FIP1L1: variants seen among roughly 807,000 people sequenced by gnomAD.
FIP1L1 encodes factor interacting with PAPOLA and CPSF1, also known as pre-mRNA 3'-end-processing factor FIP1.
Under a neutral mutation model 84.6 loss-of-function variants are expected in FIP1L1, and 21 were observed. The ratio of observed to expected loss-of-function variants is 0.25; its 90% confidence interval spans 0.18 to 0.36. The LOEUF (loss-of-function observed/expected upper bound fraction) is 0.36. Ranked by LOEUF, FIP1L1 falls within the 10% of genes least tolerant of loss-of-function variation. The pLI, the probability that FIP1L1 is intolerant of heterozygous loss-of-function variation, is 1.00. For synonymous variants in FIP1L1, 263 were observed against 242.3 expected (o/e 1.09, Z -0.80); for missense variants, 526 against 751.1 (o/e 0.70, Z 3.50).
chr4:53,396,483 G>C (rs764645990), intron 9 of FIP1L1, among the ~76,000 whole-genome samples: 1 of 151,898 alleles, frequency 6.6e-6, no homozygotes, highest in Non-Finnish European at 1.5e-5. Flanking sequence ...TTGGCTCACT[G>C]AAACCTCCAC....
At chr4:53,403,818 T>A (rs1578373013) in intron 10 of FIP1L1, among the ~76,000 whole-genome samples, 1 of 152,116 alleles carries the variant, frequency 6.6e-6, no homozygotes, top group Admixed American at 6.6e-5. Flanking sequence ...TCTCATCGAT[T>A]TGCTGAGCAT....
intron 15 of FIP1L1, among the ~76,000 whole-genome samples, chr4:53,449,143 T>C (rs1693811746): frequency 6.6e-6 from 1 of 152,014 alleles, no homozygotes; most frequent in Admixed American, 6.6e-5. Flanking sequence ...CATTATAATA[T>C]TATATAACAG....
chr4:53,409,068 A>G (rs535310336), intron 10 of FIP1L1, among the ~76,000 whole-genome samples: 2 of 151,886 alleles, frequency 1.3e-5, no homozygotes, highest in Admixed American at 6.5e-5. Context: ...GAGGAGAGGC[A>G]CTCTGCTTTT....
chr4:53,378,661 CT>C (rs1736083313), intron 1 of FIP1L1: 2 of 177,128 alleles, frequency 1.1e-5, no homozygotes, highest in African/African-American at 2.4e-5. Context: ...GCATCATGTA[CT>C]TCTCTCTAGA....
intron 10 of FIP1L1, among the ~76,000 whole-genome samples, chr4:53,407,076 T>A (rs1753986156): frequency 1.3e-5 from 2 of 152,202 alleles, no homozygotes; most frequent in African/African-American, 4.8e-5. Flanking sequence ...TGCTCTTGCT[T>A]CTCTAGTTCT....
At chr4:53,436,761 G>C (rs1169855827) in intron 13 of FIP1L1, among the ~76,000 whole-genome samples, 1 of 152,042 alleles carries the variant, frequency 6.6e-6, no homozygotes, top group Non-Finnish European at 1.5e-5. Context: ...TTTTAGTATG[G>C]GTAAATTCTT....
intron 5 of FIP1L1, among the ~76,000 whole-genome samples, chr4:53,385,525 G>T (rs1740515309): frequency 6.6e-6 from 1 of 152,068 alleles, no homozygotes; most frequent in African/African-American, 2.4e-5. Flanking sequence ...AAGAAACTGT[G>T]ATTTATGGAG....
chr4:53,411,424 A>C (rs935178824), intron 10 of FIP1L1, among the ~76,000 whole-genome samples: 1 of 152,192 alleles, frequency 6.6e-6, no homozygotes, highest in Non-Finnish European at 1.5e-5. Context: ...TGTTTTCTGG[A>C]TTCCATTTGA....
At chr4:53,381,093 T>C (rs1737616840) in intron 3 of FIP1L1, among the ~76,000 whole-genome samples, 1 of 152,206 alleles carries the variant, frequency 6.6e-6, no homozygotes, top group Non-Finnish European at 1.5e-5. Flanking sequence ...TGAGTTGATT[T>C]CATCCTATGG....
intron 10 of FIP1L1, among the ~76,000 whole-genome samples, chr4:53,410,000 TC>T (rs1756288952): frequency 6.6e-6 from 1 of 152,248 alleles, no homozygotes; most frequent in South Asian, 2.1e-4. Context: ...GCACCCACTG[TC>T]CTGCGCCCAC....
At chr4:53,423,646 TTAAAG>T (rs1480712499) in intron 11 of FIP1L1, among the ~76,000 whole-genome samples, 16 of 152,180 alleles carry the variant, frequency 1.1e-4, no homozygotes, top group African/African-American at 3.1e-4. Flanking sequence ...ATTTATATGA[TTAAAG>T]TAAATCAGTT....
intron 13 of FIP1L1, among the ~76,000 whole-genome samples, chr4:53,436,147 C>T (rs1769101376): frequency 6.6e-6 from 1 of 152,156 alleles, no homozygotes; most frequent in African/African-American, 2.4e-5. Context: ...ATGGTTATTG[C>T]ATGTATTGGG....
chr4:53,439,647 TTTAGTTATTTATGG>T (rs1771024885), intron 13 of FIP1L1, among the ~76,000 whole-genome samples: 1 of 152,036 alleles, frequency 6.6e-6, no homozygotes, highest in South Asian at 2.1e-4. Context: ...TTCCAACTGT[TTTAGTTATTTATGG>T]TATACAACTT....
At chr4:53,378,979 T>TA (rs1736293786) in intron 1 of FIP1L1, 94 bp from the exon 2 acceptor site, 4 of 1,253,378 alleles carry the variant, frequency 3.2e-6, no homozygotes, top group South Asian at 1.3e-5. Context: ...AATTTAAGCT[T>TA]ATTTTTATAG....
At chr4:53,378,212 C>CTCGGG in intron 1 of FIP1L1, 1 of 331,814 alleles carries the variant, frequency 3.0e-6, no homozygotes, top group Non-Finnish European at 5.5e-6. Flanking sequence ...CGAGGCGTCT[C>CTCGGG]GATCGCCTAG....
chr4:53,440,906 C>A (rs1290791167), intron 13 of FIP1L1: 1 of 257,104 alleles, frequency 3.9e-6, no homozygotes, highest in South Asian at 6.0e-5. Context: ...AATGTCTTTA[C>A]AGACCAATGA....
At chr4:53,419,788 C>T (rs576732596) in intron 11 of FIP1L1, among the ~76,000 whole-genome samples, 4 of 152,044 alleles carry the variant, frequency 2.6e-5, no homozygotes, top group African/African-American at 9.7e-5. Flanking sequence ...TAAATAAATT[C>T]TAAGCTGTGA....
At chr4:53,391,548 T>A (rs1471143151) in intron 9 of FIP1L1, 50 bp downstream of exon 9, 1 of 1,322,424 alleles carries the variant, frequency 7.6e-7, no homozygotes, top group Non-Finnish European at 1.1e-6. Context: ...TGTTCTTGAG[T>A]CTGCTCCCAT....
chr4:53,398,961 G>A (rs1466645602), intron 9 of FIP1L1, among the ~76,000 whole-genome samples: 3 of 152,128 alleles, frequency 2.0e-5, no homozygotes, highest in Non-Finnish European at 2.9e-5. Context: ...GACCAGCCTG[G>A]GCAACATGGT....
Sources: gnomAD v4.1 joint callset for allele counts (sites outside exome capture counted in the v4.1 genomes callset) on GRCh38, gnomAD v4.1.1 for gene constraint, MANE v1.5 for transcripts, NCBI Gene and HGNC (gene_info 2026-07-23, HGNC 2026-07-21) for gene names.